NELL1: variants seen among roughly 807,000 people sequenced by gnomAD.
NELL1 encodes protein kinase C-binding protein NELL1.
A neutral mutation model predicts 107.4 loss-of-function variants in NELL1; 76 were observed. That is an observed-to-expected ratio of 0.71 (90% CI 0.59 to 0.86). The LOEUF (loss-of-function observed/expected upper bound fraction) is 0.86. NELL1 is among the 40% of genes least tolerant of loss of function. NELL1 has a pLI of 0.00. For missense variants in NELL1, 1,024 were observed against 1,005.5 expected (o/e 1.02, Z -0.25); for synonymous variants, 353 against 341.2 (o/e 1.03, Z -0.38).
At chr11:21,177,419 T>C (rs1856736026) in intron 13 of NELL1, among the ~76,000 whole-genome samples, 2 of 151,832 alleles carry the variant, frequency 1.3e-5, no homozygotes, top group African/African-American at 4.9e-5. Flanking sequence ...GCTTCATCCA[T>C]GTTGTCACAA....
chr11:21,067,813 A>C (rs955767576), intron 12 of NELL1, among the ~76,000 whole-genome samples: 10 of 152,036 alleles, frequency 6.6e-5, no homozygotes, highest in African/African-American at 2.4e-4. Context: ...TGGATGGATC[A>C]CTTGAGGTCA....
At chr11:20,718,272 G>C (rs1156256670) in intron 2 of NELL1, among the ~76,000 whole-genome samples, 3 of 152,154 alleles carry the variant, frequency 2.0e-5, no homozygotes, top group Non-Finnish European at 2.9e-5. Flanking sequence ...AATGTGACTA[G>C]TGCAACTGAG....
At chr11:21,047,189 TAAAAC>T (rs1351488513) in intron 12 of NELL1, among the ~76,000 whole-genome samples, 4 of 152,112 alleles carry the variant, frequency 2.6e-5, no homozygotes, top group Non-Finnish European at 5.9e-5. Context: ...GAAGTCTAGA[TAAAAC>T]AAAACAAAAC....
chr11:21,321,365 C>G (rs1279814371), intron 14 of NELL1, among the ~76,000 whole-genome samples: 1 of 151,926 alleles, frequency 6.6e-6, no homozygotes, highest in African/African-American at 2.4e-5. Flanking sequence ...CTCTGAGATC[C>G]CTCAGAGGTG....
intron 2 of NELL1, among the ~76,000 whole-genome samples, chr11:20,743,304 G>T (rs777687296): frequency 2.0e-5 from 3 of 151,812 alleles, no homozygotes; most frequent in Admixed American, 6.6e-5. Flanking sequence ...AGTGAGCCAA[G>T]ATCGTGCCAC....
intron 14 of NELL1, among the ~76,000 whole-genome samples, chr11:21,303,114 C>CTA (rs556375310): frequency 7.1e-5 from 10 of 140,974 alleles, no homozygotes; most frequent in East Asian, 2.1e-4. Context: ...ATATCTATAT[C>CTA]TATCTTCTGT....
chr11:21,423,803 G>T (rs1425612338), intron 15 of NELL1, among the ~76,000 whole-genome samples: 1 of 152,180 alleles, frequency 6.6e-6, no homozygotes, highest in Non-Finnish European at 1.5e-5. Flanking sequence ...GATGAAGTCA[G>T]AAATGAATAC....
At chr11:21,135,749 T>A (rs957118079) in intron 13 of NELL1, among the ~76,000 whole-genome samples, 3 of 152,176 alleles carry the variant, frequency 2.0e-5, no homozygotes, top group African/African-American at 4.8e-5. Context: ...ACCTACAACA[T>A]AGTAGTTGCT....
At position 21,558,228 on chromosome 11, in the gene NELL1, T is replaced by C. The variant is rs375473287; in HGVS notation, c.1787-1961T>C. 2.0e-4 allele frequency among the ~76,000 whole-genome samples: 31 copies of C among 151,816 alleles called. No individual in the cohort carries two copies. The East Asian group carries it at 5.7e-3, about 28-fold the overall frequency. ...AGTACTCTCATAATAAAAGAAAGCA[T>C]GTTCTAAGACACAGTTGTTTCATAG... On this transcript the variant is annotated intron_variant, in intron 16 of 19. Coordinates refer to ENST00000357134, the MANE Select transcript of NELL1 (RefSeq NM_006157.5).
intron 16 of NELL1, among the ~76,000 whole-genome samples, chr11:21,557,978 C>T (rs573513607): frequency 1.4e-4 from 22 of 152,064 alleles, no homozygotes; most frequent in African/African-American, 4.6e-4. Flanking sequence ...AAGTTAAACA[C>T]GTAACTCCTG....
chr11:21,009,998 G>T (rs535894149), intron 12 of NELL1, among the ~76,000 whole-genome samples: 1 of 139,126 alleles, frequency 7.2e-6, no homozygotes, highest in South Asian at 2.2e-4. Flanking sequence ...CTGTGCTGTG[G>T]GATGTGGCTG....
chr11:21,372,748 T>C (rs1433892819), intron 15 of NELL1, among the ~76,000 whole-genome samples: 2 of 151,924 alleles, frequency 1.3e-5, no homozygotes, highest in Non-Finnish European at 2.9e-5. Flanking sequence ...CCATAGCAAC[T>C]ACTGTAACAT....
intron 5 of NELL1, among the ~76,000 whole-genome samples, chr11:20,894,271 T>C (rs1398534020): frequency 6.6e-6 from 1 of 152,206 alleles, no homozygotes; most frequent in Non-Finnish European, 1.5e-5. Flanking sequence ...AGGAAAAGAC[T>C]GATCCATTGG....
intron 15 of NELL1, among the ~76,000 whole-genome samples, chr11:21,384,589 C>T (rs952192164): frequency 1.1e-4 from 16 of 151,972 alleles, no homozygotes; most frequent in Non-Finnish European, 2.2e-4. Context: ...AGTGCTATCC[C>T]TCCCGCCTCT....
intron 3 of NELL1, among the ~76,000 whole-genome samples, chr11:20,840,741 C>T (rs1262197213): frequency 6.6e-6 from 1 of 152,226 alleles, no homozygotes; most frequent in Admixed American, 6.5e-5. Context: ...AAAGTACTTA[C>T]AAGTTCATCC....
intron 3 of NELL1, among the ~76,000 whole-genome samples, chr11:20,786,436 G>C (rs1311773024): frequency 6.6e-6 from 1 of 151,904 alleles, no homozygotes; most frequent in Non-Finnish European, 1.5e-5. Flanking sequence ...GTGAGGCATA[G>C]AGGTCTCTTA....
At chr11:21,023,998 C>A (rs572073104) in intron 12 of NELL1, among the ~76,000 whole-genome samples, 1 of 152,130 alleles carries the variant, frequency 6.6e-6, no homozygotes, top group African/African-American at 2.4e-5. Flanking sequence ...GAAATCCTTC[C>A]AAAATCCTTC....
intron 12 of NELL1, among the ~76,000 whole-genome samples, chr11:20,990,266 C>T (rs2134256741): frequency 6.6e-6 from 1 of 152,196 alleles, no homozygotes; most frequent in Non-Finnish European, 1.5e-5. Context: ...GGCCTGGCCT[C>T]ATATCTAATC....
intron 18 of NELL1, among the ~76,000 whole-genome samples, chr11:21,572,674 G>A (rs1857128069): frequency 1.3e-5 from 2 of 151,896 alleles, no homozygotes; most frequent in Admixed American, 1.3e-4. Context: ...TTCTGAAATG[G>A]TTATCTTGAC....
Sources: gnomAD v4.1 joint callset for allele counts (sites outside exome capture counted in the v4.1 genomes callset) on GRCh38, gnomAD v4.1.1 for gene constraint, MANE v1.5 for transcripts, NCBI Gene and HGNC (gene_info 2026-07-23, HGNC 2026-07-21) for gene names.